NCKAP5: variants seen among roughly 807,000 people sequenced by gnomAD.
NCKAP5 encodes NCK associated protein 5.
In NCKAP5, 92 loss-of-function variants were observed where a neutral mutation model predicts 167.0. That is an observed-to-expected ratio of 0.55 (90% CI 0.47 to 0.66). NCKAP5 has a LOEUF of 0.66. Among genes scored for constraint, NCKAP5 ranks in the 30% least tolerant of loss-of-function variants. The probability of loss-of-function intolerance (pLI) is 0.00; values close to 1 mark genes in which losing one functional copy is unlikely to be tolerated. For synonymous variants in NCKAP5, 891 were observed against 877.4 expected, an observed-to-expected ratio of 1.02 and a Z score of -0.27; for missense variants, 2,378 against 2,315.0, an observed-to-expected ratio of 1.03 and a Z score of -0.56.
At chr2:133,038,031 G>C (rs531733937) in intron 6 of NCKAP5, among the ~76,000 whole-genome samples, 1 of 152,110 alleles carries the variant, frequency 6.6e-6, no homozygotes, top group Non-Finnish European at 1.5e-5. Flanking sequence ...ATGTAAATTA[G>C]TACAACCACT....
chr2:132,884,390 G>C (rs949226695), intron 8 of NCKAP5, among the ~76,000 whole-genome samples: 1 of 152,206 alleles, frequency 6.6e-6, no homozygotes, highest in Admixed American at 6.5e-5. Context: ...CGTCTCTGCA[G>C]CTGAGATGGA....
chr2:133,085,926 C>T (rs888475883), intron 6 of NCKAP5, among the ~76,000 whole-genome samples: 1 of 152,088 alleles, frequency 6.6e-6, no homozygotes, highest in Non-Finnish European at 1.5e-5. Context: ...TAAGGGTCCC[C>T]CAACATGCAC....
chr2:132,731,209 C>T lies in NCKAP5; in HGVS notation c.5443+528G>A, dbSNP rs146635028. Among the ~76,000 whole-genome samples the T allele has an allele frequency of 1.6e-3, 242 of 152,324 alleles. 1 individual carries two copies. The highest frequency in any genetic ancestry group is 5.6e-3 in the African/African-American group (233 of 41,564). On this transcript the variant is annotated intron_variant, in intron 17 of 19. Coordinates refer to ENST00000409261, the MANE Select transcript of NCKAP5 (RefSeq NM_207363.3). The stretch of plus-strand genomic sequence containing the variant: ...CATCATGAAATCTTGTTTCAATTGA[C>T]TGCCACGAAGGATAGTACTTCTCAA...
At chr2:133,226,979 T>C (rs1424959375) in intron 4 of NCKAP5, among the ~76,000 whole-genome samples, 3 of 152,190 alleles carry the variant, frequency 2.0e-5, no homozygotes, top group Non-Finnish European at 4.4e-5. Context: ...TGGGAAGATA[T>C]AATGGGTGCT....
At chr2:132,969,740 AAG>A (rs1195716790) in intron 7 of NCKAP5, among the ~76,000 whole-genome samples, 4 of 151,926 alleles carry the variant, frequency 2.6e-5, no homozygotes. Context: ...GCTCGTGACA[AAG>A]AGAGTTTAAA....
the NCKAP5 span, among the ~76,000 whole-genome samples, chr2:133,601,559 A>T: frequency 6.6e-6 from 1 of 152,046 alleles, no homozygotes; most frequent in African/African-American, 2.4e-5. Flanking sequence ...GTAAAACCCC[A>T]TCTCTACTAA....
chr2:133,540,878 C>T (rs1299092409), intron 2 of NCKAP5, among the ~76,000 whole-genome samples: 1 of 134,956 alleles, frequency 7.4e-6, no homozygotes, highest in African/African-American at 2.8e-5. Context: ...GGAGGTGCAG[C>T]AAGCCGAGAT....
intron 10 of NCKAP5, among the ~76,000 whole-genome samples, chr2:132,864,176 T>C (rs1690158552): frequency 1.3e-5 from 2 of 152,220 alleles, no homozygotes; most frequent in South Asian, 2.1e-4. Flanking sequence ...GGCTGTACTA[T>C]GTATCCTCTC....
chr2:133,002,429 C>T (rs973918268), intron 6 of NCKAP5, among the ~76,000 whole-genome samples: 1 of 152,030 alleles, frequency 6.6e-6, no homozygotes, highest in African/African-American at 2.4e-5. Flanking sequence ...TGGTCTCTCC[C>T]TCTCTCTCAA....
intron 16 of NCKAP5, among the ~76,000 whole-genome samples, chr2:132,765,196 G>C (rs1036149388): frequency 2.0e-5 from 3 of 151,928 alleles, no homozygotes; most frequent in Non-Finnish European, 4.4e-5. Flanking sequence ...ACTGCACATA[G>C]AGCAGTGATC....
intron 5 of NCKAP5, among the ~76,000 whole-genome samples, chr2:133,155,339 C>A (rs1164013926): frequency 6.6e-6 from 1 of 152,180 alleles, no homozygotes; most frequent in East Asian, 1.9e-4. Flanking sequence ...GATTGCTGGG[C>A]CCCACTCCTG....
At chr2:133,211,459 A>G (rs2086208281) in intron 5 of NCKAP5, among the ~76,000 whole-genome samples, 1 of 152,082 alleles carries the variant, frequency 6.6e-6, no homozygotes, top group Non-Finnish European at 1.5e-5. Flanking sequence ...CAAACTCTTG[A>G]GCTCAAATGA....
chr2:132,876,513 C>A (rs866346847), intron 9 of NCKAP5, among the ~76,000 whole-genome samples: 75 of 152,294 alleles, frequency 4.9e-4, no homozygotes, highest in African/African-American at 1.7e-3. Flanking sequence ...GCATAAAAAA[C>A]CTTGAAAAGA....
intron 3 of NCKAP5, among the ~76,000 whole-genome samples, chr2:133,486,045 A>G (rs1297446033): frequency 6.6e-6 from 1 of 152,118 alleles, no homozygotes; most frequent in East Asian, 1.9e-4. Context: ...CCTCCCACCC[A>G]TCTCCCCAAG....
chr2:133,662,460 AAT>A, the NCKAP5 span, among the ~76,000 whole-genome samples: 1 of 151,686 alleles, frequency 6.6e-6, no homozygotes, highest in South Asian at 2.1e-4. Context: ...ATATGGAAGA[AAT>A]ATATGGCTTA....
chr2:132,889,085 C>T (rs1009497796), intron 8 of NCKAP5, among the ~76,000 whole-genome samples: 1 of 152,148 alleles, frequency 6.6e-6, no homozygotes, highest in East Asian at 1.9e-4. Context: ...CCCAGCTATG[C>T]AGACAGGCCC....
intron 5 of NCKAP5, among the ~76,000 whole-genome samples, chr2:133,171,044 A>C (rs2084228036): frequency 6.6e-6 from 1 of 152,208 alleles, no homozygotes; most frequent in South Asian, 2.1e-4. Context: ...AGACTATCTG[A>C]AGCAAAATGT....
intron 4 of NCKAP5, among the ~76,000 whole-genome samples, chr2:133,289,718 CAAACAAACAAAA>C (rs1209560340): frequency 4.2e-5 from 6 of 143,534 alleles, no homozygotes; most frequent in African/African-American, 1.5e-4. Context: ...AACAAACAAA[CAAACAAACAAAA>C]AAAAACAGCA....
At chr2:132,940,544 TA>T (rs201570554) in intron 8 of NCKAP5, among the ~76,000 whole-genome samples, 3,779 of 151,946 alleles carry the variant, frequency 0.025, 87 homozygotes, top group Middle Eastern at 0.037. Context: ...TGAATAACAG[TA>T]AAAAAAATAA....
Sources: allele counts gnomAD v4.1 joint callset (sites outside exome capture counted in the v4.1 genomes callset), GRCh38; gene constraint gnomAD v4.1.1; transcripts MANE v1.5; gene names NCBI Gene and HGNC (gene_info 2026-07-23, HGNC 2026-07-21).